The following TEX26 variants were observed in gnomAD, a reference collection of about 807,000 sequenced individuals.
TEX26 encodes the protein testis-expressed protein 26.
In TEX26, 34 loss-of-function variants were observed where a neutral mutation model predicts 35.3. The ratio of observed to expected loss-of-function variants is 0.96; its 90% CI spans 0.73 to 1.28. The LOEUF (loss-of-function observed/expected upper bound fraction) is 1.28, where lower values mean the gene tolerates loss of function less well. Ranked by LOEUF, TEX26 falls within the 50% of genes most tolerant of loss-of-function variation. The probability of loss-of-function intolerance (pLI) is 0.00; values close to 1 mark genes in which losing one functional copy is unlikely to be tolerated. For missense variants in TEX26, 371 were observed against 330.1 expected (o/e 1.12, Z -0.96); for synonymous variants, 136 against 111.8 (o/e 1.22, Z -1.36).
chr13:30,974,849 G>C lies in TEX26; in HGVS notation c.812G>C (p.Arg271Thr). The C allele has an allele frequency of 6.4e-7, 1 of 1,554,904 alleles. No individual in the cohort carries two copies. Among genetic ancestry groups the C allele is most frequent in the Non-Finnish European group, 8.6e-7 (1 of 1,156,160 alleles). The change falls in exon 7 of 7, where the codon AGA becomes ACA. Residue 271 changes from arginine to threonine, a missense_variant. Arg to Thr is a moderately conservative substitution (Grantham distance 71). Transcript: ENST00000380473. ...TGTTTTTCTTCATACTTTTCAGATA[G>C]ACAAATTATTGATCGCTTTATTCGT... The part of the protein sequence containing the change: ...EYLQSLSYKD[R>T]QIIDRFIRTH...
At chr13:30,942,356 C>T (rs1953545375) in intron 2 of TEX26, among the ~76,000 whole-genome samples, 2 of 151,908 alleles carry the variant, frequency 1.3e-5, no homozygotes, top group South Asian at 4.2e-4. Flanking sequence ...CATTTACCAA[C>T]ATTTTGATAG....
In TEX26 at chr13:30,941,739, T is replaced by C. The variant is rs146983008; in HGVS notation, c.146+1961T>C. 2.3e-3 allele frequency among the ~76,000 whole-genome samples: 349 copies of C among 152,314 alleles called. 5 individuals are homozygous for C. Among genetic ancestry groups the C allele is most frequent in the African/African-American group, 8.2e-3 (339 of 41,572 alleles). On this transcript the variant is annotated intron_variant, in intron 2 of 6. Transcript: ENST00000380473. Reference sequence around the variant, plus strand: ...CTTAGTTCCCACTTATCAGTGAGAATGTATGGTATTTGGTTTTCCATTCCT... The same window carrying C: ...CTTAGTTCCCACTTATCAGTGAGAACGTATGGTATTTGGTTTTCCATTCCT...
intron 4 of TEX26, among the ~76,000 whole-genome samples, chr13:30,959,812 G>C (rs1194174793): frequency 6.6e-6 from 1 of 152,136 alleles, no homozygotes; most frequent in African/African-American, 2.4e-5. Flanking sequence ...AAGGGCCCCT[G>C]AATGCCTGAC....
intron 1 of TEX26, among the ~76,000 whole-genome samples, chr13:30,937,396 T>C (rs979227074): frequency 2.0e-5 from 3 of 152,182 alleles, no homozygotes; most frequent in African/African-American, 7.2e-5. Context: ...TCTGGACTGT[T>C]AGAGTTGTTT....
intron 4 of TEX26, among the ~76,000 whole-genome samples, chr13:30,961,977 C>T (rs1954361517): frequency 6.6e-6 from 1 of 152,196 alleles, no homozygotes; most frequent in African/African-American, 2.4e-5. Context: ...TCCCAAACCT[C>T]TCCTTAGACC....
At chr13:30,948,816 A>T (rs1180286406) in intron 2 of TEX26, among the ~76,000 whole-genome samples, 1 of 152,174 alleles carries the variant, frequency 6.6e-6, no homozygotes, top group East Asian at 1.9e-4. Context: ...GTCCTTGGCC[A>T]TGTCTATGTC....
chr13:30,967,018 A>G (rs912155550), intron 5 of TEX26, among the ~76,000 whole-genome samples: 10 of 152,310 alleles, frequency 6.6e-5, no homozygotes, highest in Non-Finnish European at 1.0e-4. Context: ...TCTCCTAAAA[A>G]ATGAGAGGGA....
At chr13:30,933,402 C>T (rs1224834467) in intron 1 of TEX26, 1 of 152,382 alleles carries the variant, frequency 6.6e-6, no homozygotes, top group African/African-American at 2.4e-5. Flanking sequence ...ACCAGTTCAG[C>T]CTTTTGGGTC....
chr13:30,960,617 C>A (rs754587866), intron 4 of TEX26, among the ~76,000 whole-genome samples: 1 of 152,210 alleles, frequency 6.6e-6, no homozygotes, highest in South Asian at 2.1e-4. Context: ...AATTTCTAAG[C>A]TCTCTTTCTT....
At position 30,932,927 on chromosome 13, in the gene TEX26, G is replaced by A. The variant is rs1184431886; in HGVS notation, c.61+151G>A. The A allele has an allele frequency of 9.0e-6, 7 of 774,488 alleles. No homozygotes were observed. In the African/African-American group the frequency reaches 1.0e-4, roughly 12 times the overall value. The allele number at this position is 774,488 out of a possible 1,614,324, so 48.0% of individuals were successfully genotyped here. A position where few individuals can be genotyped will look rare whatever the true frequency, so the allele number is the denominator to read the frequency against. ...TGAGGAAAAGACGGGGAGTCAGGGA[G>A]AATGACAGGGCCTTCATGACGCTGC... On this transcript the variant is annotated intron_variant, in intron 1 of 6. Transcript: ENST00000380473.
chr13:30,944,792 T>A (rs1304661730), intron 2 of TEX26, among the ~76,000 whole-genome samples: 1 of 152,034 alleles, frequency 6.6e-6, no homozygotes, highest in African/African-American at 2.4e-5. Flanking sequence ...TTCATTCCAC[T>A]GTGATCTGAG....
At chr13:30,938,775 A>T (rs1953367230) in intron 1 of TEX26, among the ~76,000 whole-genome samples, 1 of 152,104 alleles carries the variant, frequency 6.6e-6, no homozygotes, top group Non-Finnish European at 1.5e-5. Flanking sequence ...GACTTTCAGG[A>T]TGCCACTGGC....
intron 5 of TEX26, among the ~76,000 whole-genome samples, chr13:30,967,760 T>G (rs148014263): frequency 6.6e-6 from 1 of 152,208 alleles, no homozygotes; most frequent in African/African-American, 2.4e-5. Context: ...ATTTTTTTCA[T>G]GATAGTTTCT....
At chr13:30,958,490 G>A (rs1264432194) in intron 4 of TEX26, among the ~76,000 whole-genome samples, 2 of 152,168 alleles carry the variant, frequency 1.3e-5, no homozygotes, top group Non-Finnish European at 2.9e-5. Context: ...CCCAGTGACT[G>A]CTGAGGAAGG....
chr13:30,955,154 C>T (rs1340812753), intron 3 of TEX26, among the ~76,000 whole-genome samples: 2 of 152,182 alleles, frequency 1.3e-5, no homozygotes, highest in African/African-American at 2.4e-5. Flanking sequence ...TACACTAACA[C>T]TAATGATAGC....
chr13:30,940,322 C>CATTTTTTTT (rs1953433108), intron 2 of TEX26, among the ~76,000 whole-genome samples: 2 of 52,044 alleles, frequency 3.8e-5, no homozygotes, highest in African/African-American at 7.7e-5. Flanking sequence ...CATCAGCTGC[C>CATTTTTTTT]TTTTTTTTTT....
At chr13:30,946,986 T>G (rs1467913819) in intron 2 of TEX26, among the ~76,000 whole-genome samples, 2 of 152,096 alleles carry the variant, frequency 1.3e-5, no homozygotes, top group Non-Finnish European at 2.9e-5. Context: ...CTCCATAGAC[T>G]TTTTCCCTGC....
intron 1 of TEX26, among the ~76,000 whole-genome samples, chr13:30,939,204 C>T (rs1201849430): frequency 6.6e-6 from 1 of 152,140 alleles, no homozygotes; most frequent in East Asian, 1.9e-4. Context: ...CATGTGCTGC[C>T]TGGGAGGAGG....
chr13:30,939,803 G>A, intron 2 of TEX26, 25 bp downstream of exon 2: 1 of 1,582,470 alleles, frequency 6.3e-7, no homozygotes, highest in South Asian at 1.1e-5. Flanking sequence ...GTGTTGGATT[G>A]ATATACATGT....
Sources: allele counts gnomAD v4.1 joint callset (sites outside exome capture counted in the v4.1 genomes callset), GRCh38; gene constraint gnomAD v4.1.1; transcripts MANE v1.5; gene names NCBI Gene and HGNC (gene_info 2026-07-23, HGNC 2026-07-21).